The following ACBD5 variants were observed in gnomAD, a reference collection of about 807,000 sequenced individuals.
ACBD5 encodes the protein acyl-CoA binding domain containing 5.
Under a neutral mutation model 71.8 loss-of-function variants are expected in ACBD5, and 40 were observed. That is an observed-to-expected ratio of 0.56 (90% confidence interval 0.43 to 0.72). The LOEUF is 0.72. ACBD5 is among the 30% of genes least tolerant of loss of function. The probability of loss-of-function intolerance (pLI) is 0.00; values close to 1 mark genes in which losing one functional copy is unlikely to be tolerated. For synonymous variants in ACBD5, 229 were observed against 218.6 expected (o/e 1.05, Z -0.42); for missense variants, 559 against 644.5 (o/e 0.87, Z 1.44).
intron 13 of ACBD5, among the ~76,000 whole-genome samples, chr10:27,183,504 C>T (rs773051816): frequency 5.3e-5 from 8 of 151,954 alleles, no homozygotes; most frequent in East Asian, 1.9e-4. Flanking sequence ...AGGATGGTCT[C>T]GATCTCTTGA....
At chr10:27,206,695 T>G (rs2060498412) in intron 10 of ACBD5, among the ~76,000 whole-genome samples, 1 of 151,934 alleles carries the variant, frequency 6.6e-6, no homozygotes, top group Admixed American at 6.6e-5. Flanking sequence ...TTTGTGTTTT[T>G]AGTAGAGATG....
intron 5 of ACBD5, among the ~76,000 whole-genome samples, chr10:27,220,683 T>G (rs1455813473): frequency 6.6e-6 from 1 of 152,174 alleles, no homozygotes; most frequent in African/African-American, 2.4e-5. Flanking sequence ...CTGCAAAAAT[T>G]GACATGCAGA....
intron 7 of ACBD5, among the ~76,000 whole-genome samples, chr10:27,216,565 T>C (rs11813776): frequency 0.07 from 10,580 of 152,210 alleles, 681 homozygotes; most frequent in African/African-American, 0.17. Context: ...CGTGAGCCAC[T>C]GTGCCTGACC....
rs66967226 is a variant in ACBD5, at chr10:27,226,449, T to TACACACAC, written c.376-3005_376-2998dup. On this transcript the variant is annotated intron_variant, in intron 4 of 12. Coordinates refer to ENST00000396271, the MANE Select transcript of ACBD5 (RefSeq NM_145698.5). ...ACATGTACACACATGAGATACAGAC[T>TACACACAC]ACACACACACACACACACACACACA... 4.3e-3 allele frequency among the ~76,000 whole-genome samples: 584 copies of TACACACAC among 135,044 alleles called. 2 individuals carry two copies. The highest frequency in any genetic ancestry group is 7.2e-3 in the Middle Eastern group (2 of 276). 88.6% of individuals were successfully genotyped at this position (135,044 alleles called of 152,430 possible). A position where few individuals can be genotyped will look rare whatever the true frequency, so the allele number is the denominator to read the frequency against.
At chr10:27,219,568 A>G (rs114277172) in intron 6 of ACBD5, among the ~76,000 whole-genome samples, 155 bp downstream of exon 6, 60 of 152,364 alleles carry the variant, frequency 3.9e-4, no homozygotes, top group African/African-American at 1.3e-3. Context: ...ACTATGTAGT[A>G]GAGCCTTTTG....
At chr10:27,193,748 C>T (rs1455037631), downstream of ACBD5, among the ~76,000 whole-genome samples, 1 of 152,166 alleles carries the variant, frequency 6.6e-6, no homozygotes, top group Admixed American at 6.5e-5. Context: ...GAAAGAAAGA[C>T]AGGAGGAGCC....
At chr10:27,234,602 C>G (rs2064379229) in intron 3 of ACBD5, among the ~76,000 whole-genome samples, 1 of 152,076 alleles carries the variant, frequency 6.6e-6, no homozygotes, top group African/African-American at 2.4e-5. Flanking sequence ...TCCTCTCCTC[C>G]CCAAGATTTT....
downstream of ACBD5, among the ~76,000 whole-genome samples, chr10:27,191,368 G>A (rs73598044): frequency 0.046 from 7,074 of 152,198 alleles, 193 homozygotes; most frequent in African/African-American, 0.075. Context: ...ATGATATAAT[G>A]GTGGATACAT....
upstream of ACBD5, chr10:27,241,912 G>A: frequency 2.6e-6 from 1 of 381,116 alleles, no homozygotes; most frequent in Non-Finnish European, 5.5e-6. Flanking sequence ...GTGGGGGGTG[G>A]AGTCCTGTAG....
At chr10:27,194,961 A>G (rs1213102034), downstream of ACBD5, among the ~76,000 whole-genome samples, 1 of 152,142 alleles carries the variant, frequency 6.6e-6, no homozygotes, top group Non-Finnish European at 1.5e-5. Context: ...ACGCCACTGC[A>G]CTCTAGCCTG....
At chr10:27,230,431 T>C (rs903579089) in intron 4 of ACBD5, among the ~76,000 whole-genome samples, 4 of 152,226 alleles carry the variant, frequency 2.6e-5, no homozygotes, top group Admixed American at 2.0e-4. Flanking sequence ...TGTTCAAAGA[T>C]AATTTATTTA....
Position 27,223,371 on chromosome 10 carries a change from T to G in ACBD5, c.457A>C (p.Lys153Gln). ...ATATCAGAACTCCTGCCACTCTTTTTGTCCTCGACAATTTCATAAAATGGA... is the reference window on the plus strand; with the variant it reads ...ATATCAGAACTCCTGCCACTCTTTTGGTCCTCGACAATTTCATAAAATGGA... ...IGPFYEIVED[K>Q]KSGRSSDITS... Residue 153 changes from lysine to glutamine, a missense_variant, in exon 5 of 13, where the codon AAA becomes CAA. By Grantham distance (53) the Lys-to-Gln change is moderately conservative (BLOSUM62 1). Coordinates refer to ENST00000396271, the MANE Select transcript of ACBD5 (RefSeq NM_145698.5). 7 of 1,613,952 alleles carry G rather than the reference T, an allele frequency of 4.3e-6. No individual in the cohort carries two copies. Among genetic ancestry groups the G allele is most frequent in the Non-Finnish European group, 5.9e-6 (7 of 1,179,978 alleles).
chr10:27,225,077 C>CTTTCT (rs1554852656), intron 4 of ACBD5, among the ~76,000 whole-genome samples: 20 of 136,452 alleles, frequency 1.5e-4, no homozygotes, highest in African/African-American at 2.4e-4. Flanking sequence ...CGCTCTCTTT[C>CTTTCT]TTTTTTTTTT....
In ACBD5 at chr10:27,219,045, T is replaced by A. The variant is rs572377817; in HGVS notation, c.625+678A>T. ...GGCCGGGTGCGATGGCTCATGCCTA[T>A]AAGCCCAGAACTTTGGGAGGCCGAG... is the stretch of plus-strand genomic sequence containing the variant. On this transcript the variant is annotated intron_variant, in intron 6 of 12. Coordinates refer to ENST00000396271, the MANE Select transcript of ACBD5 (RefSeq NM_145698.5). Among the ~76,000 whole-genome samples the A allele has an allele frequency of 2.8e-4, 43 of 152,244 alleles. 1 individual carries two copies. The South Asian group carries it at 8.1e-3, about 29-fold the overall frequency.
intron 10 of ACBD5, among the ~76,000 whole-genome samples, chr10:27,207,738 CTTAT>C (rs1195807136): frequency 2.0e-5 from 3 of 151,830 alleles, no homozygotes; most frequent in African/African-American, 4.8e-5. Context: ...TACTTACTTA[CTTAT>C]TTATTTATTT....
intron 8 of ACBD5, among the ~76,000 whole-genome samples, chr10:27,211,794 C>G (rs1272300295): frequency 6.6e-6 from 1 of 152,054 alleles, no homozygotes; most frequent in African/African-American, 2.4e-5. Context: ...TTAAAAGAAC[C>G]CACCTAAGAC....
chr10:27,222,974 A>G (rs1223134774), intron 5 of ACBD5, among the ~76,000 whole-genome samples: 1 of 152,226 alleles, frequency 6.6e-6, no homozygotes, highest in African/African-American at 2.4e-5. Flanking sequence ...AAATAAAACC[A>G]TGAATTCTGC....
At chr10:27,214,745 T>C (rs1300176400) in intron 8 of ACBD5, among the ~76,000 whole-genome samples, 1 of 152,200 alleles carries the variant, frequency 6.6e-6, no homozygotes, top group African/African-American at 2.4e-5. Context: ...AACAGACTTA[T>C]TTGTTTGAAA....
At chr10:27,219,325 A>AAC (rs1554846341) in intron 6 of ACBD5, among the ~76,000 whole-genome samples, 3 of 151,314 alleles carry the variant, frequency 2.0e-5, no homozygotes, top group African/African-American at 7.3e-5. Context: ...ACAAAAAAAA[A>AAC]ACACTATGCC....
Sources: gnomAD v4.1 joint callset for allele counts (sites outside exome capture counted in the v4.1 genomes callset) on GRCh38, gnomAD v4.1.1 for gene constraint, MANE v1.5 for transcripts, NCBI Gene and HGNC (gene_info 2026-07-23, HGNC 2026-07-21) for gene names.